ASCC3: variants seen among roughly 807,000 people sequenced by gnomAD.
ASCC3 encodes the protein ASC-1 complex subunit P200.
Under a neutral mutation model 256.3 loss-of-function variants are expected in ASCC3, and 158 were observed. The ratio of observed to expected loss-of-function variants is 0.62; its 90% CI spans 0.54 to 0.70. ASCC3 has a LOEUF of 0.70. Among genes scored for constraint, ASCC3 ranks in the 30% least tolerant of loss-of-function variants. The pLI is 0.00. For missense variants in ASCC3, 2,259 were observed against 2,626.0 expected, an observed-to-expected ratio of 0.86 and a Z score of 3.05; for synonymous variants, 948 against 883.4, an observed-to-expected ratio of 1.07 and a Z score of -1.30.
chr6:100,856,953 C>G (rs705599), intron 3 of ASCC3: 3 of 152,014 alleles, frequency 2.0e-5, no homozygotes, highest in African/African-American at 4.8e-5. Context: ...ATATTTATGT[C>G]CTAAGATTTA....
chr6:100,761,993 G>A (rs1428438395), intron 10 of ASCC3, among the ~76,000 whole-genome samples: 1 of 152,086 alleles, frequency 6.6e-6, no homozygotes, highest in Non-Finnish European at 1.5e-5. Context: ...GTAGATCAGA[G>A]CAGTGTGACA....
At chr6:100,596,862 T>C (rs1772328738) in intron 34 of ASCC3, among the ~76,000 whole-genome samples, 1 of 152,132 alleles carries the variant, frequency 6.6e-6, no homozygotes, top group Non-Finnish European at 1.5e-5. Flanking sequence ...ATCCTCACCA[T>C]AGTTTCTAAG....
chr6:100,693,968 C>T (rs1777958761), intron 13 of ASCC3, among the ~76,000 whole-genome samples: 1 of 152,092 alleles, frequency 6.6e-6, no homozygotes, highest in Non-Finnish European at 1.5e-5. Context: ...CTACTCCTAA[C>T]CTCATGACAG....
chr6:100,662,661 G>A (rs1409509310), intron 14 of ASCC3, 125 bp from the exon 15 acceptor site: 10 of 836,014 alleles, frequency 1.2e-5, no homozygotes, highest in Non-Finnish European at 1.9e-5. Flanking sequence ...GGTATTACTA[G>A]GTCTTAGTAT....
chr6:100,833,611 C>G (rs1213616960), intron 4 of ASCC3, among the ~76,000 whole-genome samples: 1 of 151,886 alleles, frequency 6.6e-6, no homozygotes, highest in African/African-American at 2.4e-5. Context: ...TAAAACTGCT[C>G]CAAAAATTAG....
chr6:100,515,711 G>A (rs118181582), intron 39 of ASCC3, among the ~76,000 whole-genome samples: 43 of 152,186 alleles, frequency 2.8e-4, no homozygotes, highest in Non-Finnish European at 5.4e-4. Context: ...TAAGAGAGGG[G>A]CATAAACAAA....
intron 13 of ASCC3, among the ~76,000 whole-genome samples, chr6:100,695,640 T>TTCCTTCCTC (rs1778046711): frequency 2.0e-5 from 3 of 152,202 alleles, no homozygotes; most frequent in African/African-American, 7.2e-5. Context: ...AGGCCTTCCT[T>TTCCTTCCTC]TCCTTCCTCA....
rs569615519 is a variant in ASCC3, at chr6:100,672,946, G to A, written c.2286+6672C>T. ...GAGTAAATATTTGCTGAGTGATCAC[G>A]ACAAAAAACAGTTTAAGGCTCATGT... On this transcript the variant is annotated intron_variant, in intron 14 of 41. Transcript: ENST00000369162. 3.9e-5 allele frequency among the ~76,000 whole-genome samples: 6 copies of A among 151,986 alleles called. No homozygotes were observed. In the East Asian group the frequency reaches 5.8e-4, roughly 15 times the overall value.
chr6:100,719,890 T>C (rs528507466), intron 11 of ASCC3, among the ~76,000 whole-genome samples: 1 of 152,062 alleles, frequency 6.6e-6, no homozygotes, highest in Admixed American at 6.6e-5. Flanking sequence ...TTAAATAAAA[T>C]AGATTTAAGA....
chr6:100,848,674 C>T lies in ASCC3; in HGVS notation c.275G>A (p.Ser92Asn), dbSNP rs770664149. 1 of 1,613,398 alleles carries T rather than the reference C, an allele frequency of 6.2e-7. No individual in the cohort carries two copies. Among genetic ancestry groups the T allele is most frequent in the Non-Finnish European group, 8.5e-7 (1 of 1,180,026 alleles). Residue 92 changes from serine (S) to asparagine (N), a missense_variant, in exon 4 of 42, where the codon AGT (serine) becomes AAT (asparagine). Physicochemically the swap from Ser to Asn is conservative, Grantham distance 46. Coordinates refer to ENST00000369162, the MANE Select transcript of ASCC3 (RefSeq NM_006828.4). ...GTDNGREAIE[S>N]GAAFLFMTFH... ...TGTCATGAAGAGAAATGCAGCCCCA[C>T]TTTCAATTGCTTCTCTCCCATTATC...
intron 5 of ASCC3, among the ~76,000 whole-genome samples, chr6:100,800,940 T>A (rs1359080387): frequency 6.6e-6 from 1 of 152,036 alleles, no homozygotes; most frequent in Non-Finnish European, 1.5e-5. Context: ...ATAGACCTTA[T>A]GCGGTTAAGT....
intron 14 of ASCC3, among the ~76,000 whole-genome samples, chr6:100,669,626 G>T (rs1776642291): frequency 6.6e-6 from 1 of 151,596 alleles, no homozygotes; most frequent in Non-Finnish European, 1.5e-5. Context: ...ATTTATCCAG[G>T]AGAAATTCTA....
chr6:100,797,774 G>C (rs1207214264), intron 8 of ASCC3, among the ~76,000 whole-genome samples: 3 of 151,962 alleles, frequency 2.0e-5, no homozygotes, highest in African/African-American at 7.2e-5. Context: ...GATATAACTA[G>C]AATTTTATTC....
intron 1 of ASCC3, 71 bp downstream of exon 1, chr6:100,880,990 C>T (rs1216617153): frequency 1.3e-5 from 2 of 152,312 alleles, no homozygotes; most frequent in African/African-American, 4.8e-5. Flanking sequence ...CCTCGCCGTC[C>T]CCGCCTCCAG....
Position 100,661,982 on chromosome 6 carries a change from T to G in ASCC3, c.2527A>C (p.Ile843Leu). 3.1e-6 allele frequency: 5 copies of G among 1,613,332 alleles called. No homozygotes were observed. Among genetic ancestry groups the G allele is most frequent in the Non-Finnish European group, 4.2e-6 (5 of 1,179,472 alleles). ...CCAAATATCTGCATGACATCTAAAATTCCAAGGTCAACAAAGGAGCCTCTT... is the reference window on the plus strand; with the variant it reads ...CCAAATATCTGCATGACATCTAAAAGTCCAAGGTCAACAAAGGAGCCTCTT... Reference protein sequence around the residue: ...AKRGSFVDLGILDVMQIFGRA... With the variant: ...AKRGSFVDLGLLDVMQIFGRA... The change falls in exon 16 of 42, where the codon ATT becomes CTT. Residue 843 changes from isoleucine to leucine, a missense_variant. By Grantham distance (5) the Ile-to-Leu change is conservative. Transcript: ENST00000369162.
intron 10 of ASCC3, among the ~76,000 whole-genome samples, chr6:100,746,762 T>C (rs920556808): frequency 1.3e-5 from 2 of 152,106 alleles, no homozygotes; most frequent in African/African-American, 4.8e-5. Context: ...AAAGAACAAG[T>C]TGGAAGACTT....
rs1441724287 is a variant in ASCC3, at chr6:100,606,782, A to T, written c.5002T>A (p.Tyr1668Asn). 6.2e-7 allele frequency: 1 copy of T among 1,610,022 alleles called. No individual in the cohort carries two copies. The highest frequency in any genetic ancestry group is 1.1e-5 in the South Asian group (1 of 89,792). The change falls in exon 32 of 42, where the codon TAT (tyrosine) becomes AAT (asparagine). Residue 1668 changes from tyrosine (Y) to asparagine (N), a missense_variant. Physicochemically the swap from Tyr to Asn is moderately radical, Grantham distance 143. Coordinates refer to ENST00000369162, the MANE Select transcript of ASCC3 (RefSeq NM_006828.4). ...ACATAACGTCTTGTTTTTCCATCATAGTATTCTGTTCCCTTAATAATTACT... is the reference window on the plus strand; with the variant it reads ...ACATAACGTCTTGTTTTTCCATCATTGTATTCTGTTCCCTTAATAATTACT... Reference protein sequence around the residue: ...HLVIIKGTEYYDGKTRRYVDF... With the variant: ...HLVIIKGTEYNDGKTRRYVDF...
In ASCC3 at chr6:100,848,312, T is replaced by G. The variant is rs1204329758; in HGVS notation, c.637A>C (p.Lys213Gln). Residue 213 changes from lysine (K) to glutamine (Q), a missense_variant, in exon 4 of 42, where the codon AAG becomes CAG. Around this residue, in one of 2 missense-constraint regions of ASCC3, gnomAD observed 420 missense variants for 419.3 expected, o/e 1.00. Coordinates refer to ENST00000369162, the MANE Select transcript of ASCC3 (RefSeq NM_006828.4). ...GAGCCATTTGTTTTTTCCACAGGCT[T>G]GAGTTCTGGGGTGCAAGCCTCCTGG... ...HLQEACTPEL[K>Q]PVEKTNGSFL... 6.2e-7 allele frequency: 1 copy of G among 1,614,104 alleles called. No homozygotes were observed. Among genetic ancestry groups the G allele is most frequent in the Admixed American group, 1.7e-5 (1 of 60,014 alleles).
At chr6:100,697,246 A>T (rs1470174463) in intron 13 of ASCC3, among the ~76,000 whole-genome samples, 2 of 152,064 alleles carry the variant, frequency 1.3e-5, no homozygotes, top group African/African-American at 4.8e-5. Context: ...TGGTAAAAAA[A>T]AAATAGTACC....
Sources: gnomAD v4.1 joint callset for allele counts (sites outside exome capture counted in the v4.1 genomes callset) on GRCh38, gnomAD v4.1.1 for gene constraint, gnomAD v4.1.1 regional missense constraint, MANE v1.5 for transcripts, NCBI Gene and HGNC (gene_info 2026-07-23, HGNC 2026-07-21) for gene names.